GCNT2: variants seen among roughly 807,000 people sequenced by gnomAD.
GCNT2 encodes glucosaminyl (N-acetyl) transferase 2 (I blood group).
In GCNT2, 34 loss-of-function variants were observed where a neutral mutation model predicts 34.2. The observed-to-expected ratio is 1.00, with a 90% CI of 0.76 to 1.32. The LOEUF (loss-of-function observed/expected upper bound fraction) is 1.32, where lower values mean the gene tolerates loss of function less well. Among genes scored for constraint, GCNT2 ranks in the 40% most tolerant of loss-of-function variants. The probability of loss-of-function intolerance (pLI) is 0.00; values close to 1 mark genes in which losing one functional copy is unlikely to be tolerated. For synonymous variants in GCNT2, 212 were observed against 188.0 expected (o/e 1.13, Z -1.04); for missense variants, 584 against 489.4 (o/e 1.19, Z -1.82).
At chr6:10,576,606 G>T (rs1360381447) in intron 3 of GCNT2, among the ~76,000 whole-genome samples, 1 of 152,146 alleles carries the variant, frequency 6.6e-6, no homozygotes, top group Admixed American at 6.6e-5. Flanking sequence ...AAAGACTTAG[G>T]GGGAGGTAGG....
intron 3 of GCNT2, among the ~76,000 whole-genome samples, chr6:10,535,816 A>T (rs1008967473): frequency 3.3e-5 from 5 of 152,172 alleles, no homozygotes; most frequent in Admixed American, 3.3e-4. Context: ...GAATAGAGAA[A>T]GGAAGATACC....
At chr6:10,558,728 G>A (rs780532815) in intron 3 of GCNT2, among the ~76,000 whole-genome samples, 5 of 152,248 alleles carry the variant, frequency 3.3e-5, no homozygotes, top group Admixed American at 2.0e-4. Flanking sequence ...CCTGCTGGGC[G>A]ATAAACACGC....
intron 3 of GCNT2, among the ~76,000 whole-genome samples, chr6:10,616,021 A>C (rs1296679139): frequency 6.6e-6 from 1 of 152,208 alleles, no homozygotes; most frequent in African/African-American, 2.4e-5. Flanking sequence ...CACTGACTTC[A>C]AGAATGAAGC....
At chr6:10,552,454 G>GA (rs1350818667) in intron 3 of GCNT2, among the ~76,000 whole-genome samples, 1 of 151,542 alleles carries the variant, frequency 6.6e-6, no homozygotes, top group Non-Finnish European at 1.5e-5. Flanking sequence ...TTGGGCGGGG[G>GA]AAAAAGAGTG....
intron 3 of GCNT2, among the ~76,000 whole-genome samples, chr6:10,545,589 C>T (rs931862287): frequency 2.0e-5 from 3 of 152,190 alleles, no homozygotes; most frequent in Admixed American, 6.5e-5. Context: ...TAACCTCCTT[C>T]GTGCCTTGTG....
intron 3 of GCNT2, chr6:10,574,953 A>G (rs1763735765): frequency 1.4e-6 from 1 of 722,516 alleles, no homozygotes; most frequent in African/African-American, 1.7e-5. Context: ...TGTGCTCAAT[A>G]CACACATTAA....
chr6:10,552,135 G>A (rs1278209592), intron 3 of GCNT2, among the ~76,000 whole-genome samples: 1 of 152,126 alleles, frequency 6.6e-6, no homozygotes, highest in Non-Finnish European at 1.5e-5. Context: ...TTAGATGAAA[G>A]GTATAGAAAG....
At chr6:10,583,396 A>C (rs1020002648) in intron 3 of GCNT2, among the ~76,000 whole-genome samples, 40 of 152,186 alleles carry the variant, frequency 2.6e-4, no homozygotes. Flanking sequence ...AGGTGACTAC[A>C]GGAGTGAGAT....
rs1761332150 is a variant in GCNT2, at chr6:10,528,937, T to G, written c.26T>G (p.Leu9Arg). Residue 9 changes from leucine to arginine, a missense_variant, in exon 3 of 5, where the codon CTT (leucine) becomes CGT (arginine). Transcript: ENST00000495262. ...ATGATGGGCTCTTGGAAGCACTGTC[T>G]TTTTAGCGCGTCTCTTATCTCTGCC... MMGSWKHC[L>R]FSASLISALI... 1 of 1,613,784 alleles carries G rather than the reference T, an allele frequency of 6.2e-7. No individual in the cohort carries two copies. Among genetic ancestry groups the G allele is most frequent in the South Asian group, 1.1e-5 (1 of 91,078 alleles).
chr6:10,568,665 A>G (rs748904536), intron 3 of GCNT2, among the ~76,000 whole-genome samples: 13 of 152,160 alleles, frequency 8.5e-5, no homozygotes, highest in Non-Finnish European at 1.8e-4. Context: ...GGCAGGTTGG[A>G]TGTCAAAATC....
chr6:10,530,082 C>T, intron 3 of GCNT2: 1 of 460,034 alleles, frequency 2.2e-6, no homozygotes, highest in Non-Finnish European at 4.0e-6. Context: ...AAAAACGTGA[C>T]CGAGCACAGT....
intron 3 of GCNT2, chr6:10,556,059 A>C: frequency 8.7e-7 from 1 of 1,152,686 alleles, no homozygotes; most frequent in Non-Finnish European, 1.1e-6. Context: ...TGGCATGGGA[A>C]ATGAAAGAAA....
intron 3 of GCNT2, among the ~76,000 whole-genome samples, chr6:10,563,436 G>GT (rs1444965924): frequency 6.6e-6 from 1 of 152,046 alleles, no homozygotes; most frequent in East Asian, 1.9e-4. Flanking sequence ...AGATGAGAAA[G>GT]TTTAAGATGA....
At chr6:10,597,307 T>C (rs921284103) in intron 3 of GCNT2, among the ~76,000 whole-genome samples, 5 of 151,774 alleles carry the variant, frequency 3.3e-5, no homozygotes, top group Admixed American at 2.0e-4. Context: ...AGGTGTGCCC[T>C]ACCATGCCAG....
chr6:10,532,650 G>A (rs1020511884), intron 3 of GCNT2, among the ~76,000 whole-genome samples: 1 of 152,080 alleles, frequency 6.6e-6, no homozygotes, highest in Non-Finnish European at 1.5e-5. Context: ...TTTAACTTTT[G>A]TAGAGACGAG....
At position 10,586,030 on chromosome 6, in the gene GCNT2, T is replaced by C. The variant is rs747662994; in HGVS notation, c.926-35321T>C. 3.7e-6 allele frequency: 6 copies of C among 1,614,070 alleles called. No individual in the cohort carries two copies. In the Admixed American group the frequency reaches 8.3e-5, roughly 22 times the overall value. Reference sequence around the variant, plus strand: ...TACTGCTTTTTTGCTTTCACTCTGCTCAGCGTGGTCATTTTTGTGAGATTT... The same window carrying C: ...TACTGCTTTTTTGCTTTCACTCTGCCCAGCGTGGTCATTTTTGTGAGATTT... On this transcript the variant is annotated intron_variant, in intron 3 of 4. Coordinates refer to ENST00000495262, the MANE Select transcript of GCNT2 (RefSeq NM_145649.5).
chr6:10,541,390 C>A (rs1167259755), intron 3 of GCNT2, among the ~76,000 whole-genome samples: 1 of 152,156 alleles, frequency 6.6e-6, no homozygotes, highest in African/African-American at 2.4e-5. Context: ...ATATATACGA[C>A]ATTTTCTTTA....
At chr6:10,550,924 C>G (rs1466007874) in intron 3 of GCNT2, among the ~76,000 whole-genome samples, 1 of 152,212 alleles carries the variant, frequency 6.6e-6, no homozygotes, top group African/African-American at 2.4e-5. Context: ...CCCTTATCCT[C>G]AAGCTACAGA....
intron 3 of GCNT2, among the ~76,000 whole-genome samples, chr6:10,550,816 C>T (rs1257726196): frequency 3.9e-5 from 6 of 152,228 alleles, no homozygotes; most frequent in Non-Finnish European, 7.3e-5. Flanking sequence ...CTGGAACCTA[C>T]TGAACTCTTA....
Sources: allele counts gnomAD v4.1 joint callset (sites outside exome capture counted in the v4.1 genomes callset), GRCh38; gene constraint gnomAD v4.1.1; transcripts MANE v1.5; gene names NCBI Gene and HGNC (gene_info 2026-07-23, HGNC 2026-07-21).